Variants in NFYA observed in about 807,000 individuals in gnomAD.
The protein encoded by NFYA is nuclear transcription factor Y subunit alpha, also known as CAAT-box DNA binding protein subunit A.
In NFYA, 28 loss-of-function variants were observed where a neutral mutation model predicts 52.8. The ratio of observed to expected loss-of-function variants is 0.53; its 90% CI spans 0.39 to 0.73. NFYA has a LOEUF of 0.73. Ranked by LOEUF, NFYA falls within the 30% of genes least tolerant of loss-of-function variation. The probability of loss-of-function intolerance (pLI) is 0.00; values close to 1 mark genes in which losing one functional copy is unlikely to be tolerated. For missense variants in NFYA, 234 were observed against 427.0 expected, an observed-to-expected ratio of 0.55 and a Z score of 3.98; for synonymous variants, 150 against 150.7, an observed-to-expected ratio of 1.00 and a Z score of 0.03.
At chr6:41,082,603 T>G (rs920797792) in intron 3 of NFYA, among the ~76,000 whole-genome samples, 5 of 152,238 alleles carry the variant, frequency 3.3e-5, no homozygotes, top group Non-Finnish European at 7.3e-5. Context: ...CTTACATAGA[T>G]TTTATTTAAA....
chr6:41,084,151 A>G lies in NFYA; in HGVS notation c.268A>G (p.Ile90Val), dbSNP rs760481342. ...TGTCCCTGGTGGACAAGGTCAAACC[A>G]TCATGCAAGTACCTGTTTCTGGAAC... Reference protein sequence around the residue: ...QAVPGGQGQTIMQVPVSGTQG... With the variant: ...QAVPGGQGQTVMQVPVSGTQG... The change falls in exon 4 of 10, where the codon ATC (isoleucine) becomes GTC (valine). Residue 90 changes from isoleucine (I) to valine (V), a missense_variant. Ile to Val is a conservative substitution (Grantham distance 29, BLOSUM62 3). This residue lies in a region of NFYA where 118 missense variants were observed against 182.4 expected (regional missense o/e 0.65). Coordinates refer to ENST00000341376, the MANE Select transcript of NFYA (RefSeq NM_002505.5). 1.2e-6 allele frequency: 2 copies of G among 1,614,192 alleles called. No homozygotes were observed. The highest frequency in any genetic ancestry group is 1.1e-5 in the South Asian group (1 of 91,068).
chr6:41,090,691 T>A (rs556772574), intron 6 of NFYA, among the ~76,000 whole-genome samples: 2 of 152,356 alleles, frequency 1.3e-5, no homozygotes, highest in Admixed American at 1.3e-4. Flanking sequence ...TTTAAATGAC[T>A]ATTATGTATA....
chr6:41,074,102 T>G (rs933000678), intron 1 of NFYA, among the ~76,000 whole-genome samples: 1 of 152,236 alleles, frequency 6.6e-6, no homozygotes, highest in Non-Finnish European at 1.5e-5. Flanking sequence ...AGTACAGTTT[T>G]GGGGGTTTTT....
At chr6:41,094,356 G>T (rs1764289353) in intron 8 of NFYA, 40 bp from the exon 9 acceptor site, 2 of 1,552,250 alleles carry the variant, frequency 1.3e-6, no homozygotes, top group Non-Finnish European at 1.8e-6. Context: ...GCTGGTTCTG[G>T]ATAGTATTAA....
intron 1 of NFYA, 134 bp downstream of exon 1, chr6:41,073,218 G>A (rs1011520773): frequency 6.6e-6 from 1 of 151,764 alleles, no homozygotes; most frequent in Non-Finnish European, 1.5e-5. Context: ...AGCCGAGCCG[G>A]GCGGCCAGCG....
chr6:41,090,644 A>G (rs1271500237), intron 6 of NFYA, among the ~76,000 whole-genome samples: 1 of 152,222 alleles, frequency 6.6e-6, no homozygotes, highest in Admixed American at 6.5e-5. Context: ...TTAGAGTGCT[A>G]TTGCTGCTTA....
At chr6:41,074,653 G>A (rs1454036499) in intron 1 of NFYA, among the ~76,000 whole-genome samples, 1 of 152,220 alleles carries the variant, frequency 6.6e-6, no homozygotes, top group Non-Finnish European at 1.5e-5. Context: ...GGCAGTAGTT[G>A]TGATAGTTTA....
At chr6:41,077,364 A>G (rs956123898) in intron 1 of NFYA, among the ~76,000 whole-genome samples, 20 of 152,296 alleles carry the variant, frequency 1.3e-4, no homozygotes, top group Non-Finnish European at 2.6e-4. Context: ...AATGTTCCTA[A>G]GGCTCCATGC....
intron 6 of NFYA, among the ~76,000 whole-genome samples, chr6:41,091,119 T>A (rs1029745344): frequency 6.6e-6 from 1 of 152,220 alleles, no homozygotes; most frequent in African/African-American, 2.4e-5. Flanking sequence ...AATTTTAAGT[T>A]TTAATACTAC....
chr6:41,090,319 C>T lies in NFYA; in HGVS notation c.547+10C>T. The T allele has an allele frequency of 6.3e-7, 1 of 1,597,680 alleles. No homozygotes were observed. Among genetic ancestry groups the T allele is most frequent in the Non-Finnish European group, 8.6e-7 (1 of 1,165,604 alleles). On this transcript the variant is annotated intron_variant, in intron 6 of 9. Transcript: ENST00000341376. ...ACCATTCTCCAGCAAGGTAAGTGTA[C>T]CCATAAGCTTCCCTAGGACTTTTTG...
chr6:41,096,485 A>G (rs1213772434), intron 9 of NFYA, among the ~76,000 whole-genome samples: 2 of 152,202 alleles, frequency 1.3e-5, no homozygotes, highest in African/African-American at 4.8e-5. Context: ...CTTCACAGCA[A>G]TGTTGTAGGG....
In NFYA at chr6:41,101,290, C is replaced by G. The variant is rs1191762581; in HGVS notation, c.*3880C>G. The G allele has an allele frequency of 6.6e-6, 1 of 152,248 alleles. No homozygotes were observed. The highest frequency in any genetic ancestry group is 1.5e-5 in the Non-Finnish European group (1 of 68,052). 9.4% of individuals were successfully genotyped at this position (152,248 alleles called of 1,614,324 possible). ...GGTTACAGGCCTAGCCTCCCGCGAGCTAAGGCACAGTTTAACTTCGTGCTG... is the reference window on the plus strand; with the variant it reads ...GGTTACAGGCCTAGCCTCCCGCGAGGTAAGGCACAGTTTAACTTCGTGCTG... On this transcript the variant is annotated 3_prime_UTR_variant, in exon 10 of 10. Transcript: ENST00000341376.
intron 1 of NFYA, among the ~76,000 whole-genome samples, chr6:41,074,549 A>G (rs752603501): frequency 6.6e-6 from 1 of 152,252 alleles, no homozygotes; most frequent in African/African-American, 2.4e-5. Context: ...ATTCTTCCAC[A>G]GGAAAGATGG....
At chr6:41,087,654 G>T (rs1764083113) in intron 4 of NFYA, among the ~76,000 whole-genome samples, 1 of 152,046 alleles carries the variant, frequency 6.6e-6, no homozygotes, top group Admixed American at 6.6e-5. Flanking sequence ...AGGTATTCTT[G>T]AATATAAAAT....
At chr6:41,083,087 A>C (rs1763953067) in intron 3 of NFYA, among the ~76,000 whole-genome samples, 1 of 152,258 alleles carries the variant, frequency 6.6e-6, no homozygotes, top group Middle Eastern at 3.2e-3. Flanking sequence ...AATTTCTGTC[A>C]AAGATAGAGT....
chr6:41,079,965 C>T (rs1253126147), intron 2 of NFYA, among the ~76,000 whole-genome samples: 1 of 152,184 alleles, frequency 6.6e-6, no homozygotes, highest in Admixed American at 6.5e-5. Flanking sequence ...TTCCATACAG[C>T]TGCTGTGGCT....
Position 41,093,154 on chromosome 6 carries a change from A to C in NFYA, c.888+69A>C, listed in dbSNP as rs1396482372. ...GGTTCTACTTTTGAAATTATCTTTT[A>C]TATGGCTTGTTTTCTCACGTACCTT... On this transcript the variant is annotated intron_variant, in intron 8 of 9. Transcript: ENST00000341376. 18 of 1,414,372 alleles carry C rather than the reference A, an allele frequency of 1.3e-5. No individual in the cohort carries two copies. The East Asian group carries it at 3.5e-4, about 28-fold the overall frequency. 87.6% of individuals were successfully genotyped at this position (1,414,372 alleles called of 1,614,324 possible).
At chr6:41,080,344 A>G (rs1353797520) in intron 2 of NFYA, among the ~76,000 whole-genome samples, 1 of 152,184 alleles carries the variant, frequency 6.6e-6, no homozygotes, top group African/African-American at 2.4e-5. Flanking sequence ...ACATGAGAGC[A>G]TTGACGTCAT....
chr6:41,078,640 T>C (rs1004349077), intron 1 of NFYA, among the ~76,000 whole-genome samples: 1 of 152,210 alleles, frequency 6.6e-6, no homozygotes, highest in South Asian at 2.1e-4. Flanking sequence ...CTGAGTAACA[T>C]GTTTGGTGGG....
Sources: allele counts gnomAD v4.1 joint callset (sites outside exome capture counted in the v4.1 genomes callset), GRCh38; gene constraint gnomAD v4.1.1; regional missense constraint gnomAD v4.1.1; transcripts MANE v1.5; gene names NCBI Gene and HGNC (gene_info 2026-07-23, HGNC 2026-07-21).